BTBD2: variants seen among roughly 807,000 people sequenced by gnomAD.
BTBD2 encodes the protein BTB domain containing 2.
A neutral mutation model predicts 44.0 loss-of-function variants in BTBD2; 15 were observed. The observed-to-expected ratio is 0.34, with a 90% CI of 0.23 to 0.53. The LOEUF (loss-of-function observed/expected upper bound fraction) is 0.53, where lower values mean the gene tolerates loss of function less well. BTBD2 is among the 20% of genes least tolerant of loss of function. The pLI is 0.95. For synonymous variants in BTBD2, 443 were observed against 335.9 expected, an observed-to-expected ratio of 1.32 and a Z score of -3.49; for missense variants, 657 against 746.4, an observed-to-expected ratio of 0.88 and a Z score of 1.39.
At position 2,015,281 on chromosome 19, in the gene BTBD2, G is replaced by A; in HGVS notation, c.407+16C>T. On this transcript the variant is annotated intron_variant, in intron 1 of 8. Coordinates refer to ENST00000255608, the MANE Select transcript of BTBD2 (RefSeq NM_017797.4). ...GGGTGGGTCGGGGCCAGGGCTGGCG[G>A]GGTCGGGGCGCCCACCTGTGCGCGG... is the stretch of plus-strand genomic sequence containing the variant. 1.9e-6 allele frequency: 3 copies of A among 1,539,378 alleles called. No homozygotes were observed. Among genetic ancestry groups the A allele is most frequent in the East Asian group, 2.4e-5 (1 of 41,326 alleles).
rs1599364906 is a variant in BTBD2, at chr19:2,015,547, C to G, written c.157G>C (p.Ala53Pro). 2 of 285,724 alleles carry G rather than the reference C, an allele frequency of 7.0e-6. No individual in the cohort carries two copies. The highest frequency in any genetic ancestry group is 7.8e-6 in the Non-Finnish European group (2 of 257,122). The allele number at this position is 285,724 out of a possible 1,614,324, so 17.7% of individuals were successfully genotyped here. The change falls in exon 1 of 9, where the codon GCC becomes CCC. Residue 53 changes from alanine (A) to proline (P), a missense_variant. Transcript: ENST00000255608. ...GCGGGCGGCGTCGGCCCAGGGGCGGCGGCGGCGGCGGCGGCGGCGGCGGCG... is the reference window on the plus strand; with the variant it reads ...GCGGGCGGCGTCGGCCCAGGGGCGGGGGCGGCGGCGGCGGCGGCGGCGGCG... ...AAAAAAAAAA[A>P]APGPTPPAPP... is the part of the protein sequence containing the mutation.
At position 2,015,589 on chromosome 19, in the gene BTBD2, C is replaced by A; in HGVS notation, c.115G>T (p.Gly39Cys). 1.0e-6 allele frequency: 1 copy of A among 966,728 alleles called. No individual in the cohort carries two copies. Among genetic ancestry groups the A allele is most frequent in the South Asian group, 4.7e-5 (1 of 21,194 alleles). The allele number at this position is 966,728 out of a possible 1,614,324, so 59.9% of individuals were successfully genotyped here. ...GCGGCGGCGGCGGCGGCCGCGTTGC[C>A]GGGGGCCGGGGTGGCGGCGGCGTTG... ...SANAAATPAPGNAAAAAAAAA... is the reference protein window; with the variant it reads ...SANAAATPAPCNAAAAAAAAA... The change falls in exon 1 of 9, where the codon GGC (glycine) becomes TGC (cysteine). Residue 39 changes from glycine (G) to cysteine (C), a missense_variant. This residue lies in a region of BTBD2 where 191 missense variants were observed against 188.5 expected (regional missense o/e 1.01). Transcript: ENST00000255608.
chr19:1,997,297 C>T, intron 2 of BTBD2, 47 bp downstream of exon 2: 2 of 1,612,062 alleles, frequency 1.2e-6, no homozygotes, highest in Non-Finnish European at 1.7e-6. Context: ...TCTGAGGTCC[C>T]CCTCCCCAGG....
At chr19:1,998,092 TTC>T (rs940755035) in intron 1 of BTBD2, among the ~76,000 whole-genome samples, 1 of 124,262 alleles carries the variant, frequency 8.0e-6, no homozygotes. Context: ...CACTCACCCA[TTC>T]ACACACACAC....
intron 1 of BTBD2, among the ~76,000 whole-genome samples, chr19:2,001,276 C>T (rs1046048021): frequency 6.6e-6 from 1 of 152,044 alleles, no homozygotes; most frequent in African/African-American, 2.4e-5. Context: ...GGCAGTGGAT[C>T]ACGAGGTCAG....
intron 1 of BTBD2, among the ~76,000 whole-genome samples, chr19:2,006,161 A>G: frequency 6.6e-6 from 1 of 152,072 alleles, no homozygotes; most frequent in East Asian, 1.9e-4. Flanking sequence ...ACACATGGCT[A>G]TTTAAATCTA....
In BTBD2 at chr19:1,986,416, C is replaced by T. The variant is rs916019496; in HGVS notation, c.*72G>A. ...GGCCTGGCACCGCGTGGTGGGGGGG[C>T]CCCAGCAGCAGATGATGGCCTGGGG... On this transcript the variant is annotated 3_prime_UTR_variant, in exon 9 of 9. Transcript: ENST00000255608. The T allele has an allele frequency of 5.1e-6, 8 of 1,579,870 alleles. No individual in the cohort carries two copies. The highest frequency in any genetic ancestry group is 6.9e-6 in the Non-Finnish European group (8 of 1,156,342).
In BTBD2 at chr19:1,997,460, G is replaced by A. The variant is rs772334258; in HGVS notation, c.411C>T (p.Phe137=). 31 of 1,613,912 alleles carry A rather than the reference G, an allele frequency of 1.9e-5. No homozygotes were observed. The highest frequency in any genetic ancestry group is 2.5e-5 in the Non-Finnish European group (30 of 1,180,016). The change falls in exon 2 of 9, where the codon TTC becomes TTT. Residue 137 remains phenylalanine, a synonymous_variant. Transcript: ENST00000255608. ...LSSQRIPAHR[F]VLAVGSAVFD... is the part of the protein sequence containing the mutation. ...AGACGGCGCTGCCCACGGCCAGCAC[G>A]AACCTGGTACGGGAGAGAGAAGGCC...
chr19:1,991,613 C>A (rs1431179696), intron 3 of BTBD2, among the ~76,000 whole-genome samples: 1 of 152,336 alleles, frequency 6.6e-6, no homozygotes, highest in South Asian at 2.1e-4. Flanking sequence ...TGCATCTGAC[C>A]TGCCAGGATG....
chr19:1,986,461 G>T lies in BTBD2; in HGVS notation c.*27C>A, dbSNP rs200263760. 3.1e-6 allele frequency: 5 copies of T among 1,609,376 alleles called. No individual in the cohort carries two copies. The African/African-American group carries it at 4.0e-5, about 13-fold the overall frequency. ...CTGGGGCTGCGGCTATCCCCACGGA[G>T]GGAGGGCGGTGTCGGTGTCGGGCAG... On this transcript the variant is annotated 3_prime_UTR_variant, in exon 9 of 9. Transcript: ENST00000255608.
At chr19:1,987,747 T>C in intron 5 of BTBD2, 55 bp from the exon 6 acceptor site, 1 of 1,486,410 alleles carries the variant, frequency 6.7e-7, no homozygotes, top group Non-Finnish European at 9.1e-7. Flanking sequence ...GGATCCCGAG[T>C]GCCTGGGAGG....
rs1190328558 is a variant in BTBD2, at chr19:1,990,709, G to C, written c.790+8C>G. 6.3e-7 allele frequency: 1 copy of C among 1,590,312 alleles called. No individual in the cohort carries two copies. Among genetic ancestry groups the C allele is most frequent in the Non-Finnish European group, 8.6e-7 (1 of 1,168,840 alleles). On this transcript the variant is annotated splice_region_variant and intron_variant, in intron 4 of 8. Transcript: ENST00000255608. ...GGGATTCCCACACCTGGGCTCCTGG[G>C]CCCTTACCCAGGTCAATGTCGGTGA...
intron 1 of BTBD2, among the ~76,000 whole-genome samples, 191 bp downstream of exon 1, chr19:2,015,106 G>A (rs2016516375): frequency 6.7e-6 from 1 of 149,884 alleles, no homozygotes; most frequent in South Asian, 2.1e-4. Flanking sequence ...CAGGCCCCGG[G>A]GTGCAGGCCG....
At chr19:2,011,280 C>T (rs1313154657) in intron 1 of BTBD2, among the ~76,000 whole-genome samples, 3 of 152,138 alleles carry the variant, frequency 2.0e-5, no homozygotes, top group African/African-American at 7.2e-5. Flanking sequence ...GGACCTGCAT[C>T]CTCTACCCCT....
In BTBD2 at chr19:1,987,213, G is replaced by A. The variant is rs2016099728; in HGVS notation, c.1222C>T (p.Leu408=). The A allele has an allele frequency of 2.5e-6, 4 of 1,613,836 alleles. No homozygotes were observed. Among genetic ancestry groups the A allele is most frequent in the Admixed American group, 1.7e-5 (1 of 59,968 alleles). ...GTGGGCCCGTGGATGGATCCATACA[G>A]CCCAAATCCCACCACGAAGATGCGC... ...NKRIFVVGFG[L]YGSIHGPTDY... Residue 408 remains leucine, a synonymous_variant, in exon 7 of 9, where the codon CTG becomes TTG. Transcript: ENST00000255608.
In BTBD2 at chr19:2,008,316, T is replaced by C. The variant is rs539402750; in HGVS notation, c.407+6981A>G. ...ACTGCGCCCACTCTTTTTTTTTTTT[T>C]CTAGGTGGAGTCTCGCTGTGTTGCC... is the stretch of plus-strand genomic sequence containing the variant. On this transcript the variant is annotated intron_variant, in intron 1 of 8. Transcript: ENST00000255608. 4.7e-5 allele frequency among the ~76,000 whole-genome samples: 6 copies of C among 126,424 alleles called. No individual in the cohort carries two copies. In the East Asian group the frequency reaches 9.6e-4, roughly 20 times the overall value. 82.9% of individuals were successfully genotyped at this position (126,424 alleles called of 152,430 possible). A position where few individuals can be genotyped will look rare whatever the true frequency, so the allele number is the denominator to read the frequency against.
At chr19:1,999,099 CGAG>C (rs577309990) in intron 1 of BTBD2, among the ~76,000 whole-genome samples, 45 of 152,256 alleles carry the variant, frequency 3.0e-4, no homozygotes, top group African/African-American at 1.0e-3. Flanking sequence ...CCCCGTCTTC[CGAG>C]GAGAAGCTCC....
At chr19:1,999,965 C>T (rs1296086556) in intron 1 of BTBD2, among the ~76,000 whole-genome samples, 1 of 106,838 alleles carries the variant, frequency 9.4e-6, no homozygotes, top group Admixed American at 9.4e-5. Flanking sequence ...AAAGACTCCA[C>T]CTCAAAAAAA....
chr19:2,006,652 T>TA (rs1555687850), intron 1 of BTBD2, among the ~76,000 whole-genome samples: 1 of 152,102 alleles, frequency 6.6e-6, no homozygotes, highest in African/African-American at 2.4e-5. Context: ...CTATGGCCCT[T>TA]AGAGTGAATC....
Sources: gnomAD v4.1 joint callset for allele counts (sites outside exome capture counted in the v4.1 genomes callset) on GRCh38, gnomAD v4.1.1 for gene constraint, gnomAD v4.1.1 regional missense constraint, MANE v1.5 for transcripts, NCBI Gene and HGNC (gene_info 2026-07-23, HGNC 2026-07-21) for gene names.